PRKAR2B: variants seen among roughly 807,000 people sequenced by gnomAD.
PRKAR2B encodes the protein cAMP-dependent protein kinase type II-beta regulatory subunit.
A neutral mutation model predicts 49.9 loss-of-function variants in PRKAR2B; 14 were observed. The ratio of observed to expected loss-of-function variants is 0.28; its 90% CI spans 0.19 to 0.44. The LOEUF is 0.44. PRKAR2B is among the 20% of genes least tolerant of loss of function. PRKAR2B has a pLI of 1.00. For synonymous variants in PRKAR2B, 196 were observed against 197.7 expected, an observed-to-expected ratio of 0.99 and a Z score of 0.07; for missense variants, 393 against 537.9, an observed-to-expected ratio of 0.73 and a Z score of 2.67.
chr7:107,114,330 G>C (rs879836994), intron 2 of PRKAR2B, among the ~76,000 whole-genome samples: 1 of 38,134 alleles, frequency 2.6e-5, no homozygotes, highest in East Asian at 9.8e-4. Flanking sequence ...ACAGCTGTGT[G>C]TGTGTGTGTG....
chr7:107,067,065 C>T (rs1190193856), intron 1 of PRKAR2B: 3 of 152,332 alleles, frequency 2.0e-5, no homozygotes, highest in Admixed American at 6.5e-5. Flanking sequence ...TGCTTCACCC[C>T]CTCCCTGCCA....
rs1035130434 is a variant in PRKAR2B, at chr7:107,121,523, A to G, written c.344-429A>G. On this transcript the variant is annotated intron_variant, in intron 2 of 10. Coordinates refer to ENST00000265717, the MANE Select transcript of PRKAR2B (RefSeq NM_002736.3). Reference sequence around the variant, plus strand: ...CCAAAACGTTAATATTTGTCGCTGAAGTACGCAAAATGTTAATATTTGTTC... The same window carrying G: ...CCAAAACGTTAATATTTGTCGCTGAGGTACGCAAAATGTTAATATTTGTTC... Among the ~76,000 whole-genome samples, 7 of 152,282 alleles carry G rather than the reference A, an allele frequency of 4.6e-5. No individual in the cohort carries two copies. In the South Asian group the frequency reaches 1.4e-3, roughly 32 times the overall value.
At chr7:107,100,617 A>C (rs539465895) in intron 2 of PRKAR2B, among the ~76,000 whole-genome samples, 12 of 152,134 alleles carry the variant, frequency 7.9e-5, no homozygotes, top group Non-Finnish European at 1.2e-4. Context: ...TGGAACTTCT[A>C]TTATACTTAG....
chr7:107,151,162 G>A, intron 7 of PRKAR2B, 139 bp downstream of exon 7: 5 of 513,236 alleles, frequency 9.7e-6, no homozygotes, highest in Non-Finnish European at 1.7e-5. Flanking sequence ...AAATGGTAGT[G>A]CTAATTTTTA....
intron 10 of PRKAR2B, 75 bp downstream of exon 10, chr7:107,157,399 A>G (rs969287603): frequency 6.7e-7 from 1 of 1,490,240 alleles, no homozygotes; most frequent in African/African-American, 1.4e-5. Context: ...TGTTGAGTGA[A>G]TCATTTTATT....
In PRKAR2B at chr7:107,126,087, TAAAAAAAAAAA is replaced by T. The variant is rs34333619; in HGVS notation, c.397-2113_397-2103del. Among the ~76,000 whole-genome samples, 5 of 82,258 alleles carry T rather than the reference TAAAAAAAAAAA, an allele frequency of 6.1e-5. No individual in the cohort carries two copies. The Admixed American group carries it at 7.4e-4, about 12-fold the overall frequency. 54.0% of individuals were successfully genotyped at this position (82,258 alleles called of 152,430 possible). A position where few individuals can be genotyped will look rare whatever the true frequency, so the allele number is the denominator to read the frequency against. ...TGGGTGACAGAGCAAGACTGTGTCT[TAAAAAAAAAAA>T]AAAAAAAAAAAGAGGCCAGGCGCGC... On this transcript the variant is annotated intron_variant, in intron 3 of 10. Coordinates refer to ENST00000265717, the MANE Select transcript of PRKAR2B (RefSeq NM_002736.3).
intron 2 of PRKAR2B, among the ~76,000 whole-genome samples, chr7:107,088,196 C>T (rs759121583): frequency 6.6e-6 from 1 of 152,160 alleles, no homozygotes; most frequent in Non-Finnish European, 1.5e-5. Flanking sequence ...CAGTGAGCCA[C>T]TCGTTGGAGG....
At chr7:107,107,551 C>G (rs569034308) in intron 2 of PRKAR2B, among the ~76,000 whole-genome samples, 1 of 151,970 alleles carries the variant, frequency 6.6e-6, no homozygotes, top group Admixed American at 6.6e-5. Flanking sequence ...GTACAAATGC[C>G]ATCAATTCCT....
At chr7:107,100,493 G>A (rs717099) in intron 2 of PRKAR2B, among the ~76,000 whole-genome samples, 69,120 of 151,960 alleles carry the variant, frequency 0.45, 16,741 homozygotes, top group Non-Finnish European at 0.54. Context: ...TGTTTATTCT[G>A]TGCTGAGGTT....
At chr7:107,109,595 C>T (rs1795136901) in intron 2 of PRKAR2B, among the ~76,000 whole-genome samples, 1 of 152,150 alleles carries the variant, frequency 6.6e-6, no homozygotes, top group East Asian at 1.9e-4. Flanking sequence ...GTCATGAAAA[C>T]AAGCCCTGTT....
chr7:107,107,856 C>T lies in PRKAR2B; in HGVS notation c.344-14096C>T, dbSNP rs560795326. ...TATTCTTAGTAGAGACGGGGTTTTA[C>T]CACGTTGGCCAGGATGGTCTCCATC... On this transcript the variant is annotated intron_variant, in intron 2 of 10. Coordinates refer to ENST00000265717, the MANE Select transcript of PRKAR2B (RefSeq NM_002736.3). Among the ~76,000 whole-genome samples, 311 of 152,168 alleles carry T rather than the reference C, an allele frequency of 2.0e-3. 1 individual carries two copies. The highest frequency in any genetic ancestry group is 3.2e-3 in the Non-Finnish European group (220 of 68,008).
chr7:107,123,065 T>A (rs765824571), intron 3 of PRKAR2B, among the ~76,000 whole-genome samples: 3 of 152,246 alleles, frequency 2.0e-5, no homozygotes, highest in Non-Finnish European at 4.4e-5. Flanking sequence ...ATACTTTATG[T>A]ATCTAGCAGA....
intron 2 of PRKAR2B, among the ~76,000 whole-genome samples, chr7:107,119,938 A>C (rs940445624): frequency 5.3e-5 from 8 of 152,160 alleles, no homozygotes; most frequent in African/African-American, 1.9e-4. Flanking sequence ...GGGTAAATTC[A>C]CCAAAGCAGT....
intron 2 of PRKAR2B, among the ~76,000 whole-genome samples, chr7:107,101,037 C>T (rs1213608890): frequency 1.3e-5 from 2 of 151,460 alleles, no homozygotes; most frequent in African/African-American, 4.9e-5. Context: ...CTTCCTGTTT[C>T]TCTGCATATC....
chr7:107,150,827 GA>G, intron 6 of PRKAR2B, 94 bp from the exon 7 acceptor site: 1 of 623,758 alleles, frequency 1.6e-6, no homozygotes, highest in Admixed American at 3.9e-5. Context: ...TTTTATTTCA[GA>G]ATCTTCAATC....
At chr7:107,141,002 A>G in intron 5 of PRKAR2B, 49 bp downstream of exon 5, 2 of 1,336,818 alleles carry the variant, frequency 1.5e-6, no homozygotes, top group Middle Eastern at 1.9e-4. Context: ...CCTTTTGTGT[A>G]AAATCTCAAC....
At chr7:107,150,808 A>C (rs1408627821) in intron 6 of PRKAR2B, 114 bp from the exon 7 acceptor site, 3 of 585,454 alleles carry the variant, frequency 5.1e-6, no homozygotes, top group Non-Finnish European at 9.1e-6. Flanking sequence ...AAGTATAATG[A>C]TGTTAATCTT....
At position 107,150,546 on chromosome 7, in the gene PRKAR2B, A is replaced by G. The variant is rs528907854; in HGVS notation, c.742-376A>G. ...ACAAGAAAATTTTGACATAATGTGG[A>G]TATGAAAAAGAACGTAGAGTACATA... On this transcript the variant is annotated intron_variant, in intron 6 of 10. Coordinates refer to ENST00000265717, the MANE Select transcript of PRKAR2B (RefSeq NM_002736.3). Among the ~76,000 whole-genome samples, 6 of 150,768 alleles carry G rather than the reference A, an allele frequency of 4.0e-5. No individual in the cohort carries two copies. The South Asian group carries it at 1.3e-3, about 32-fold the overall frequency.
intron 2 of PRKAR2B, among the ~76,000 whole-genome samples, chr7:107,100,703 G>A (rs1794943792): frequency 6.6e-6 from 1 of 151,572 alleles, no homozygotes; most frequent in Non-Finnish European, 1.5e-5. Flanking sequence ...TTTTCAAATT[G>A]AATAATTTCC....
Sources: allele counts gnomAD v4.1 joint callset (sites outside exome capture counted in the v4.1 genomes callset), GRCh38; gene constraint gnomAD v4.1.1; transcripts MANE v1.5; gene names NCBI Gene and HGNC (gene_info 2026-07-23, HGNC 2026-07-21).